The following INPP4B variants were observed in gnomAD, a reference collection of about 807,000 sequenced individuals.
INPP4B encodes inositol polyphosphate 4-phosphatase type II.
INPP4B carries 55 observed loss-of-function variants against 122.5 expected under a neutral mutation model. The ratio of observed to expected loss-of-function variants is 0.45; its 90% confidence interval spans 0.36 to 0.56. The LOEUF (loss-of-function observed/expected upper bound fraction) is 0.56. INPP4B is among the 20% of genes least tolerant of loss of function. The pLI is 0.00. For missense variants in INPP4B, 1,000 were observed against 1,097.7 expected (o/e 0.91, Z 1.26); for synonymous variants, 403 against 388.7 (o/e 1.04, Z -0.43).
chr4:142,537,417 T>TATAC (rs1828348116), intron 2 of INPP4B, among the ~76,000 whole-genome samples: 1 of 49,678 alleles, frequency 2.0e-5, no homozygotes, highest in African/African-American at 6.8e-5. Context: ...TATATATATA[T>TATAC]ATATATATAT....
At chr4:142,636,688 T>C (rs1749228916) in intron 2 of INPP4B, among the ~76,000 whole-genome samples, 1 of 152,036 alleles carries the variant, frequency 6.6e-6, no homozygotes, top group South Asian at 2.1e-4. Flanking sequence ...AAAAAAATAT[T>C]CTATATGGAT....
intron 2 of INPP4B, among the ~76,000 whole-genome samples, chr4:142,535,666 G>A (rs1311064075): frequency 2.6e-5 from 4 of 151,974 alleles, no homozygotes; most frequent in Admixed American, 2.6e-4. Flanking sequence ...GCATGGTAGG[G>A]GCTCAACACA....
rs1241256048 is a variant in INPP4B, at chr4:142,053,347, GA to G, written c.2643-24434del. 2.6e-5 allele frequency among the ~76,000 whole-genome samples: 4 copies of G among 152,240 alleles called. No homozygotes were observed. The East Asian group carries it at 7.7e-4, about 29-fold the overall frequency. On this transcript the variant is annotated intron_variant, in intron 25 of 25. Transcript: ENST00000262992. The stretch of plus-strand genomic sequence containing the variant: ...AGCTAACACAAAGGCAAGGCTTCCA[GA>G]AGGCAATGAGGAGAGAGAACCTGAA...
intron 1 of INPP4B, among the ~76,000 whole-genome samples, chr4:142,830,552 G>C (rs899469836): frequency 2.0e-5 from 3 of 152,076 alleles, no homozygotes; most frequent in Admixed American, 6.6e-5. Context: ...TGGAAATCTT[G>C]AGTGTGTTCC....
At chr4:142,122,473 C>T (rs1796955266) in intron 20 of INPP4B, among the ~76,000 whole-genome samples, 1 of 152,020 alleles carries the variant, frequency 6.6e-6, no homozygotes, top group East Asian at 1.9e-4. Context: ...GAAGGAAGAA[C>T]GTGGACATTT....
At chr4:142,795,787 C>T (rs1183616175) in intron 1 of INPP4B, among the ~76,000 whole-genome samples, 3 of 151,998 alleles carry the variant, frequency 2.0e-5, no homozygotes, top group African/African-American at 7.2e-5. Context: ...CTTTAGTCCT[C>T]TCTACAACCA....
rs939949477 is a variant in INPP4B at position 142,026,064 on chromosome 4, A to T, written c.*2718T>A. 7 of 152,206 alleles carry T rather than the reference A, an allele frequency of 4.6e-5. No individual in the cohort carries two copies. The highest frequency in any genetic ancestry group is 8.8e-5 in the Non-Finnish European group (6 of 68,034). The allele number at this position is 152,206 out of a possible 1,614,324, so 9.4% of individuals were successfully genotyped here. Reference sequence around the variant, plus strand: ...AAGGGGAACATATTATTTTTGAGCAAAAAAAGAGTTTGGAAATGTCATTTG... The same window carrying T: ...AAGGGGAACATATTATTTTTGAGCATAAAAAGAGTTTGGAAATGTCATTTG... On this transcript the variant is annotated 3_prime_UTR_variant, in exon 26 of 26. Coordinates refer to ENST00000262992, the MANE Select transcript of INPP4B (RefSeq NM_001101669.3).
chr4:142,290,333 A>G (rs1175868680), intron 9 of INPP4B, among the ~76,000 whole-genome samples: 1 of 147,404 alleles, frequency 6.8e-6, no homozygotes, highest in African/African-American at 2.5e-5. Flanking sequence ...CAGCCTCCTG[A>G]GTAGCTGGGA....
intron 1 of INPP4B, among the ~76,000 whole-genome samples, chr4:142,783,811 C>A (rs1340158233): frequency 6.6e-6 from 1 of 152,042 alleles, no homozygotes; most frequent in Non-Finnish European, 1.5e-5. Context: ...GTGGGTTAAG[C>A]ACCTAATGTA....
rs142107792 is a variant in INPP4B at position 142,053,147 on chromosome 4, G to A, written c.2643-24233C>T. 2.2e-3 allele frequency among the ~76,000 whole-genome samples: 331 copies of A among 152,098 alleles called. 2 individuals carry two copies. Among genetic ancestry groups the A allele is most frequent in the African/African-American group, 7.7e-3 (318 of 41,518 alleles). On this transcript the variant is annotated intron_variant, in intron 25 of 25. Coordinates refer to ENST00000262992, the MANE Select transcript of INPP4B (RefSeq NM_001101669.3). ...AGAAGGGGAAAGGACACGGCCAACAGGGACTGCGTGTGAAAAGGACAGTGA... is the reference window on the plus strand; with the variant it reads ...AGAAGGGGAAAGGACACGGCCAACAAGGACTGCGTGTGAAAAGGACAGTGA...
At chr4:142,253,508 G>GTT (rs1733661547) in intron 11 of INPP4B, among the ~76,000 whole-genome samples, 1 of 152,168 alleles carries the variant, frequency 6.6e-6, no homozygotes, top group East Asian at 1.9e-4. Flanking sequence ...CACCATGTGC[G>GTT]AGCCGAAGCA....
intron 2 of INPP4B, among the ~76,000 whole-genome samples, chr4:142,585,642 G>A (rs17016424): frequency 0.014 from 2,141 of 151,948 alleles, 40 homozygotes; most frequent in African/African-American, 0.041. Context: ...CTCTTGCTTC[G>A]CTCTCAGGAA....
At chr4:142,469,848 G>A (rs1818487933) in intron 2 of INPP4B, among the ~76,000 whole-genome samples, 1 of 152,022 alleles carries the variant, frequency 6.6e-6, no homozygotes, top group Non-Finnish European at 1.5e-5. Context: ...AGGACTCCAA[G>A]GTTGCATATA....
chr4:142,089,478 C>G (rs59994975), intron 23 of INPP4B, among the ~76,000 whole-genome samples: 38,997 of 143,250 alleles, frequency 0.27, 5,126 homozygotes, highest in African/African-American at 0.31. Flanking sequence ...CACACACACA[C>G]ACAGAGAGAG....
Position 142,193,168 on chromosome 4 carries a change from C to T in INPP4B, c.1100G>A (p.Gly367Glu), listed in dbSNP as rs1836726013. ...TCCCTGAAAATGGGCAGCTGGGGCT[C>T]CCACAGTGATGACATCGTAGAGAGC... is the stretch of plus-strand genomic sequence containing the variant. ...KDALYDVITV[G>E]APAAHFQGFK... The change falls in exon 15 of 26, where the codon GGA (glycine) becomes GAA (glutamate). Residue 367 changes from glycine to glutamate, a missense_variant. By Grantham distance (98) the Gly-to-Glu change is moderately conservative. Transcript: ENST00000262992. 6.2e-7 allele frequency: 1 copy of T among 1,612,022 alleles called. No individual in the cohort carries two copies. The highest frequency in any genetic ancestry group is 8.5e-7 in the Non-Finnish European group (1 of 1,178,352).
At chr4:142,778,851 A>T (rs1315649985) in intron 1 of INPP4B, among the ~76,000 whole-genome samples, 1 of 152,066 alleles carries the variant, frequency 6.6e-6, no homozygotes, top group Non-Finnish European at 1.5e-5. Flanking sequence ...ATGACTTGTG[A>T]TTTCCTGACC....
intron 13 of INPP4B, 66 bp downstream of exon 13, chr4:142,208,830 T>A (rs928024104): frequency 6.7e-6 from 8 of 1,200,216 alleles, no homozygotes; most frequent in South Asian, 4.2e-5. Flanking sequence ...ATTTATTATT[T>A]TTTTTTTCAT....
At chr4:142,216,646 C>T (rs1405668210) in intron 12 of INPP4B, among the ~76,000 whole-genome samples, 1 of 152,138 alleles carries the variant, frequency 6.6e-6, no homozygotes, top group Non-Finnish European at 1.5e-5. Context: ...ATTTCAAAAA[C>T]ACATGCTTTT....
At chr4:142,197,237 C>T (rs536025947) in intron 14 of INPP4B, among the ~76,000 whole-genome samples, 1 of 151,852 alleles carries the variant, frequency 6.6e-6, no homozygotes, top group Non-Finnish European at 1.5e-5. Flanking sequence ...AGCATGATTG[C>T]CTGTTGTCCA....
Sources: gnomAD v4.1 joint callset for allele counts (sites outside exome capture counted in the v4.1 genomes callset) on GRCh38, gnomAD v4.1.1 for gene constraint, MANE v1.5 for transcripts, NCBI Gene and HGNC (gene_info 2026-07-23, HGNC 2026-07-21) for gene names.